The following EYA3 variants were observed in gnomAD, a reference collection of about 807,000 sequenced individuals.
EYA3 encodes protein phosphatase EYA3.
In EYA3, 39 loss-of-function variants were observed where a neutral mutation model predicts 80.0. The observed-to-expected ratio is 0.49, with a 90% confidence interval of 0.38 to 0.64. The LOEUF (loss-of-function observed/expected upper bound fraction) is 0.64, where lower values mean the gene tolerates loss of function less well. Ranked by LOEUF, EYA3 falls within the 30% of genes least tolerant of loss-of-function variation. The pLI, the probability that EYA3 is intolerant of heterozygous loss-of-function variation, is 0.00. For synonymous variants in EYA3, 206 were observed against 232.8 expected (o/e 0.88, Z 1.05); for missense variants, 523 against 676.1 (o/e 0.77, Z 2.51).
intron 5 of EYA3, among the ~76,000 whole-genome samples, chr1:28,036,777 T>C (rs559025141): frequency 1.2e-3 from 184 of 152,228 alleles, no homozygotes; most frequent in African/African-American, 4.2e-3. Flanking sequence ...ACTGTATATA[T>C]AAGTAAAAAA....
chr1:27,983,261 T>C lies in EYA3; in HGVS notation c.1541-4787A>G, dbSNP rs1317424005. ...CAGCCAGAGGGTAGGATTTAGCCCA[T>C]GGACTGTAATTTGCAGACCCCTGCT... On this transcript the variant is annotated intron_variant, in intron 16 of 17. Transcript: ENST00000373871. 3.3e-5 allele frequency among the ~76,000 whole-genome samples: 5 copies of C among 152,320 alleles called. No homozygotes were observed. In the East Asian group the frequency reaches 5.8e-4, roughly 18 times the overall value.
In EYA3 at chr1:27,993,356, C is replaced by A. The variant is rs12140716; in HGVS notation, c.1303+44G>T. ...AATCCCTGGAAAGAAAAGGAGGAAA[C>A]CAGGAAGAAACAGAGAATCAGACTG... On this transcript the variant is annotated intron_variant, in intron 14 of 17. Transcript: ENST00000373871. The A allele has an allele frequency of 9.3e-3, 14,784 of 1,583,000 alleles. 101 individuals are homozygous for A. Among genetic ancestry groups the A allele is most frequent in the African/African-American group, 0.028 (2,073 of 73,260 alleles).
intron 1 of EYA3, among the ~76,000 whole-genome samples, chr1:28,072,597 C>G (rs1025724997): frequency 2.0e-5 from 3 of 152,108 alleles, no homozygotes; most frequent in Non-Finnish European, 4.4e-5. Flanking sequence ...GAACAATGTA[C>G]AATTAGAAAT....
At chr1:28,030,250 G>C (rs574992180) in intron 6 of EYA3, among the ~76,000 whole-genome samples, 13 of 152,284 alleles carry the variant, frequency 8.5e-5, no homozygotes, top group African/African-American at 3.1e-4. Context: ...ATAGTAAAGA[G>C]AAATATGAAA....
chr1:27,979,749 T>C (rs752152464), intron 16 of EYA3, among the ~76,000 whole-genome samples: 3 of 152,194 alleles, frequency 2.0e-5, no homozygotes, highest in African/African-American at 4.8e-5. Flanking sequence ...CAGAGTGACT[T>C]AGCACCAGGG....
intron 6 of EYA3, among the ~76,000 whole-genome samples, chr1:28,028,759 A>G (rs1642940161): frequency 6.6e-6 from 1 of 151,934 alleles, no homozygotes; most frequent in Admixed American, 6.6e-5. Flanking sequence ...TTTAACAAAA[A>G]TGGGATTGTG....
At chr1:28,012,725 G>A (rs1026529673) in intron 9 of EYA3, among the ~76,000 whole-genome samples, 1 of 152,124 alleles carries the variant, frequency 6.6e-6, no homozygotes, top group South Asian at 2.1e-4. Context: ...AAGGGATCCT[G>A]GACATAGAAA....
intron 6 of EYA3, among the ~76,000 whole-genome samples, chr1:28,030,539 G>A (rs1376356703): frequency 2.0e-5 from 3 of 152,084 alleles, no homozygotes; most frequent in African/African-American, 7.2e-5. Flanking sequence ...CTCCTGCCTT[G>A]ACCTCCCAAA....
intron 13 of EYA3, among the ~76,000 whole-genome samples, chr1:27,995,048 C>A (rs956332383): frequency 3.3e-5 from 5 of 151,310 alleles, no homozygotes; most frequent in African/African-American, 1.2e-4. Flanking sequence ...TATATTTTAC[C>A]TTGACAAAAT....
intron 2 of EYA3, among the ~76,000 whole-genome samples, chr1:28,056,774 A>C (rs12406813): frequency 0.07 from 10,719 of 152,248 alleles, 674 homozygotes; most frequent in East Asian, 0.25. Flanking sequence ...ATAGGTAAGG[A>C]GTAACTAACA....
intron 11 of EYA3, among the ~76,000 whole-genome samples, chr1:28,004,009 T>C (rs1278651631): frequency 6.6e-6 from 1 of 152,246 alleles, no homozygotes; most frequent in Non-Finnish European, 1.5e-5. Context: ...GACATCAGCC[T>C]CTGGAATTTA....
intron 1 of EYA3, among the ~76,000 whole-genome samples, chr1:28,061,109 A>C (rs1218344603): frequency 6.6e-6 from 1 of 152,224 alleles, no homozygotes; most frequent in Non-Finnish European, 1.5e-5. Flanking sequence ...TAAAACAAAA[A>C]GCTGCCTACA....
At chr1:28,011,644 A>C (rs1641706134) in intron 9 of EYA3, among the ~76,000 whole-genome samples, 1 of 152,222 alleles carries the variant, frequency 6.6e-6, no homozygotes, top group African/African-American at 2.4e-5. Context: ...CCTTATGAGG[A>C]TATAACTGTC....
chr1:28,073,103 T>TTCTCTATATATATATATATATATA lies in EYA3; in HGVS notation c.-68-15010_-68-15009insTATATATATATATATATATAGAGA, dbSNP rs1447435853. Among the ~76,000 whole-genome samples, 52 of 37,746 alleles carry TTCTCTATATATATATATATATATA rather than the reference T, an allele frequency of 1.4e-3. 2 individuals carry two copies. Among genetic ancestry groups the TTCTCTATATATATATATATATATA allele is most frequent in the Non-Finnish European group, 1.6e-3 (37 of 23,424 alleles). The allele number at this position is 37,746 out of a possible 152,430, so 24.8% of individuals were successfully genotyped here. Reference sequence around the variant, plus strand: ...ATCCTTTTTGGGATTGATGAAACTATTATATATATATATATATATATATAT... The same window carrying TTCTCTATATATATATATATATATA: ...ATCCTTTTTGGGATTGATGAAACTATTCTCTATATATATATATATATATATATATATATATATATATATATATAT... On this transcript the variant is annotated intron_variant, in intron 1 of 17. Transcript: ENST00000373871.
chr1:28,001,496 C>T (rs1284198234), intron 11 of EYA3, among the ~76,000 whole-genome samples: 3 of 144,022 alleles, frequency 2.1e-5, no homozygotes, highest in African/African-American at 5.6e-5. Context: ...CGCCTGTAAT[C>T]GCAGCACTTT....
chr1:28,078,079 G>A (rs1297010325), intron 1 of EYA3, among the ~76,000 whole-genome samples: 1 of 152,098 alleles, frequency 6.6e-6, no homozygotes, highest in Non-Finnish European at 1.5e-5. Flanking sequence ...TAATATAAGT[G>A]TTTGTTAAAG....
At chr1:27,987,985 A>C (rs186241112) in intron 16 of EYA3, among the ~76,000 whole-genome samples, 2 of 152,298 alleles carry the variant, frequency 1.3e-5, no homozygotes, top group East Asian at 3.9e-4. Context: ...CTCCCACCTT[A>C]ACCTTCCAAG....
chr1:27,995,254 AT>A (rs1044990885), intron 13 of EYA3, among the ~76,000 whole-genome samples: 2 of 151,114 alleles, frequency 1.3e-5, no homozygotes, highest in Non-Finnish European at 2.9e-5. Flanking sequence ...AAAAAAAAAA[AT>A]GGAAATATTA....
intron 12 of EYA3, among the ~76,000 whole-genome samples, chr1:27,999,534 G>C (rs532201539): frequency 6.6e-6 from 1 of 152,072 alleles, no homozygotes; most frequent in African/African-American, 2.4e-5. Flanking sequence ...TTATAGATTC[G>C]ACAAATCAGG....
Sources: allele counts gnomAD v4.1 joint callset (sites outside exome capture counted in the v4.1 genomes callset), GRCh38; gene constraint gnomAD v4.1.1; transcripts MANE v1.5; gene names NCBI Gene and HGNC (gene_info 2026-07-23, HGNC 2026-07-21).